ITGA1: variants seen among roughly 807,000 people sequenced by gnomAD.
The protein encoded by ITGA1 is integrin subunit alpha 1, also known as integrin alpha-1.
Under a neutral mutation model 145.9 loss-of-function variants are expected in ITGA1, and 85 were observed. That is an observed-to-expected ratio of 0.58 (90% CI 0.49 to 0.70). The LOEUF is 0.70. ITGA1 is among the 30% of genes least tolerant of loss of function. The pLI is 0.00. For synonymous variants in ITGA1, 520 were observed against 495.3 expected, an observed-to-expected ratio of 1.05 and a Z score of -0.66; for missense variants, 1,351 against 1,418.7, an observed-to-expected ratio of 0.95 and a Z score of 0.77.
intron 27 of ITGA1, among the ~76,000 whole-genome samples, chr5:52,947,007 T>C (rs919589275): frequency 6.6e-6 from 1 of 152,200 alleles, no homozygotes; most frequent in African/African-American, 2.4e-5. Context: ...AATACAGTAG[T>C]GTACTAATTA....
chr5:52,868,401 A>T (rs1006408737), intron 6 of ITGA1, among the ~76,000 whole-genome samples: 2 of 152,208 alleles, frequency 1.3e-5, no homozygotes, highest in African/African-American at 4.8e-5. Context: ...TTTTGTAAAG[A>T]AATAAATAAC....
Position 52,915,467 on chromosome 5 carries a change from A to G in ITGA1, c.1861A>G (p.Ile621Val), listed in dbSNP as rs576217087. 9.2e-5 allele frequency: 148 copies of G among 1,613,902 alleles called. 2 individuals carry two copies. The South Asian group carries it at 1.4e-3, about 15-fold the overall frequency. Residue 621 changes from isoleucine to valine, a missense_variant, in exon 15 of 29, where the codon ATT becomes GTT. By Grantham distance (29) the Ile-to-Val change is conservative. Coordinates refer to ENST00000282588, the MANE Select transcript of ITGA1 (RefSeq NM_181501.2). ...TCTTTTTTTTGGATTCTCACAGCGT[A>G]TTCCATCAGGTGGGGATGGTAAGAC... is the stretch of plus-strand genomic sequence containing the variant. ...KTIRKEYAQR[I>V]PSGGDGKTLK... is the part of the protein sequence containing the mutation.
At chr5:52,793,414 T>C (rs1270172359) in intron 1 of ITGA1, among the ~76,000 whole-genome samples, 3 of 152,060 alleles carry the variant, frequency 2.0e-5, no homozygotes, top group African/African-American at 7.2e-5. Flanking sequence ...AATAATGGAA[T>C]GGAAGACACC....
chr5:52,788,370 G>T lies in ITGA1; in HGVS notation c.17G>T (p.Arg6Leu), dbSNP rs1023471253. The T allele has an allele frequency of 6.6e-7, 1 of 1,510,940 alleles. No homozygotes were observed. The highest frequency in any genetic ancestry group is 1.2e-5 in the South Asian group (1 of 81,186). The allele number at this position is 1,510,940 out of a possible 1,614,324, so 93.6% of individuals were successfully genotyped here. A position where few individuals can be genotyped will look rare whatever the true frequency, so the allele number is the denominator to read the frequency against. The change falls in exon 1 of 29, where the codon CGC (arginine) becomes CTC (leucine). Residue 6 changes from arginine to leucine, a missense_variant. Physicochemically the swap from Arg to Leu is moderately radical, Grantham distance 102. Transcript: ENST00000282588. ...GCTCCGGCCATGGCCCCTCGGCCCC[G>T]CGCCCGCCCAGGGGTCGCTGTCGCC... MAPRP[R>L]ARPGVAVACC...
At chr5:52,795,703 T>A (rs1293678982) in intron 1 of ITGA1, among the ~76,000 whole-genome samples, 1 of 151,944 alleles carries the variant, frequency 6.6e-6, no homozygotes, top group Non-Finnish European at 1.5e-5. Context: ...TCCCTTGTTT[T>A]GTCTGATCCA....
intron 27 of ITGA1, among the ~76,000 whole-genome samples, chr5:52,945,555 A>C (rs1751123035): frequency 6.6e-6 from 1 of 152,296 alleles, no homozygotes; most frequent in Middle Eastern, 3.4e-3. Flanking sequence ...TAAAAATAGA[A>C]AGGTTTGAGT....
intron 12 of ITGA1, among the ~76,000 whole-genome samples, chr5:52,908,124 G>A (rs1237040469): frequency 6.6e-6 from 1 of 152,170 alleles, no homozygotes; most frequent in African/African-American, 2.4e-5. Flanking sequence ...AGTTGGGGAA[G>A]AAGCCAGTAA....
At chr5:52,873,649 A>G (rs971728769) in intron 6 of ITGA1, among the ~76,000 whole-genome samples, 2 of 152,212 alleles carry the variant, frequency 1.3e-5, no homozygotes, top group African/African-American at 4.8e-5. Flanking sequence ...CTACATTTAT[A>G]TCCTGACTTA....
intron 14 of ITGA1, among the ~76,000 whole-genome samples, chr5:52,911,218 A>G (rs1222416948): frequency 7.3e-6 from 1 of 136,210 alleles, no homozygotes; most frequent in African/African-American, 2.7e-5. Context: ...TATATAGTGT[A>G]TATATAGTAT....
chr5:52,922,962 C>A, intron 18 of ITGA1, 75 bp downstream of exon 18: 1 of 862,974 alleles, frequency 1.2e-6, no homozygotes, highest in Non-Finnish European at 1.9e-6. Flanking sequence ...TGTGTTTTTT[C>A]ACTACTCTGC....
intron 14 of ITGA1, among the ~76,000 whole-genome samples, chr5:52,914,678 A>C (rs1319339111): frequency 6.6e-6 from 1 of 152,036 alleles, no homozygotes; most frequent in Non-Finnish European, 1.5e-5. Context: ...GGTTTGCCTT[A>C]GTAGGCTTCT....
At chr5:52,898,594 G>T (rs1255147434) in intron 11 of ITGA1, among the ~76,000 whole-genome samples, 1 of 151,964 alleles carries the variant, frequency 6.6e-6, no homozygotes, top group Non-Finnish European at 1.5e-5. Flanking sequence ...TTGTTAGTAG[G>T]GCTGTCTAAT....
intron 14 of ITGA1, among the ~76,000 whole-genome samples, chr5:52,912,861 T>C (rs1750588073): frequency 6.6e-6 from 1 of 151,582 alleles, no homozygotes; most frequent in African/African-American, 2.4e-5. Context: ...ATTCTCCTGC[T>C]TTAGTCTCCC....
At chr5:52,900,879 A>G (rs1187394913) in intron 11 of ITGA1, among the ~76,000 whole-genome samples, 3 of 152,130 alleles carry the variant, frequency 2.0e-5, no homozygotes, top group African/African-American at 7.2e-5. Context: ...GGTGTTGTCT[A>G]TTATTTTATT....
intron 10 of ITGA1, 123 bp downstream of exon 10, chr5:52,897,651 C>A: frequency 1.5e-6 from 1 of 648,676 alleles, no homozygotes; most frequent in South Asian, 1.9e-5. Context: ...ATTATGCAGG[C>A]TATGATGATG....
At chr5:52,861,937 G>A (rs1018019814) in intron 3 of ITGA1, among the ~76,000 whole-genome samples, 11 of 151,328 alleles carry the variant, frequency 7.3e-5, no homozygotes, top group Admixed American at 4.0e-4. Context: ...CAGATTTTGG[G>A]CTGGGCGCAG....
At chr5:52,835,849 T>C (rs1749154349) in intron 1 of ITGA1, among the ~76,000 whole-genome samples, 1 of 152,218 alleles carries the variant, frequency 6.6e-6, no homozygotes, top group African/African-American at 2.4e-5. Flanking sequence ...ATGATTGATG[T>C]TAGAAAGCTT....
chr5:52,861,428 T>A lies in ITGA1; in HGVS notation c.183-19T>A, dbSNP rs1749599184. ...TTTCTCAATGTTCAAAAATGTTTAC[T>A]GATTTATTTAACTTCCAGGGTGCTT... On this transcript the variant is annotated intron_variant, in intron 2 of 28. Coordinates refer to ENST00000282588, the MANE Select transcript of ITGA1 (RefSeq NM_181501.2). 1 of 1,473,210 alleles carries A rather than the reference T, an allele frequency of 6.8e-7. No individual in the cohort carries two copies. The highest frequency in any genetic ancestry group is 1.2e-5 in the South Asian group (1 of 86,198). 91.3% of individuals were successfully genotyped at this position (1,473,210 alleles called of 1,614,324 possible). A position where few individuals can be genotyped will look rare whatever the true frequency, so the allele number is the denominator to read the frequency against.
intron 1 of ITGA1, among the ~76,000 whole-genome samples, chr5:52,830,763 C>CA (rs1749048942): frequency 6.6e-6 from 1 of 152,144 alleles, no homozygotes; most frequent in Admixed American, 6.6e-5. Flanking sequence ...AACTGACATA[C>CA]AGCAGAGGCA....
Sources: gnomAD v4.1 joint callset for allele counts (sites outside exome capture counted in the v4.1 genomes callset) on GRCh38, gnomAD v4.1.1 for gene constraint, MANE v1.5 for transcripts, NCBI Gene and HGNC (gene_info 2026-07-23, HGNC 2026-07-21) for gene names.